EBF1: variants seen among roughly 807,000 people sequenced by gnomAD.
The protein encoded by EBF1 is transcription factor COE1.
A neutral mutation model predicts 68.4 loss-of-function variants in EBF1; 10 were observed. That is an observed-to-expected ratio of 0.15 (90% confidence interval 0.09 to 0.25). The LOEUF is 0.25. EBF1 is among the 10% of genes least tolerant of loss of function. The probability of loss-of-function intolerance (pLI) is 1.00; values close to 1 mark genes in which losing one functional copy is unlikely to be tolerated. For synonymous variants in EBF1, 298 were observed against 299.8 expected (o/e 0.99, Z 0.06); for missense variants, 509 against 794.4 (o/e 0.64, Z 4.32).
intron 8 of EBF1, among the ~76,000 whole-genome samples, chr5:158,820,192 G>A (rs1051876346): frequency 6.6e-6 from 1 of 151,708 alleles, no homozygotes; most frequent in East Asian, 1.9e-4. Flanking sequence ...GAATGGGGGA[G>A]AACGTAGGTT....
chr5:158,934,902 G>C (rs1340752832), intron 6 of EBF1, among the ~76,000 whole-genome samples: 1 of 152,170 alleles, frequency 6.6e-6, no homozygotes, highest in Non-Finnish European at 1.5e-5. Context: ...CTACAAGGCA[G>C]ACATTATCAT....
chr5:158,765,254 A>T (rs943943761), intron 10 of EBF1, among the ~76,000 whole-genome samples: 1 of 152,182 alleles, frequency 6.6e-6, no homozygotes, highest in African/African-American at 2.4e-5. Flanking sequence ...GTAGAGAATT[A>T]TGAGAATTAC....
At chr5:158,800,870 A>T (rs1780448358) in intron 8 of EBF1, among the ~76,000 whole-genome samples, 1 of 152,174 alleles carries the variant, frequency 6.6e-6, no homozygotes, top group Non-Finnish European at 1.5e-5. Context: ...CTCCAAGCAA[A>T]TATTATGGAA....
chr5:159,091,226 G>C (rs1242363628), intron 4 of EBF1, among the ~76,000 whole-genome samples: 1 of 152,186 alleles, frequency 6.6e-6, no homozygotes, highest in Non-Finnish European at 1.5e-5. Context: ...ATCCAGGAGG[G>C]AGCAGTTGGC....
intron 8 of EBF1, among the ~76,000 whole-genome samples, chr5:158,802,712 C>T (rs1040141602): frequency 6.6e-6 from 1 of 152,136 alleles, no homozygotes; most frequent in African/African-American, 2.4e-5. Context: ...CTAGTGCAAC[C>T]TTGAAACAGT....
At chr5:158,929,905 C>T (rs1016961513) in intron 6 of EBF1, among the ~76,000 whole-genome samples, 3 of 152,222 alleles carry the variant, frequency 2.0e-5, no homozygotes, top group African/African-American at 7.2e-5. Context: ...GCACCCCCTA[C>T]ACCTTTTTTG....
At chr5:158,781,620 G>C (rs1047150336) in intron 9 of EBF1, among the ~76,000 whole-genome samples, 2 of 152,046 alleles carry the variant, frequency 1.3e-5, no homozygotes, top group African/African-American at 4.8e-5. Flanking sequence ...CTCAGTTAAA[G>C]GAATGTTAGC....
intron 6 of EBF1, among the ~76,000 whole-genome samples, chr5:158,895,303 G>A (rs1801957555): frequency 6.6e-6 from 1 of 152,284 alleles, no homozygotes; most frequent in African/African-American, 2.4e-5. Context: ...ACAGCAGATG[G>A]ATTGCTTGAG....
At chr5:158,787,852 T>C (rs1043726116) in intron 9 of EBF1, among the ~76,000 whole-genome samples, 2 of 152,240 alleles carry the variant, frequency 1.3e-5, no homozygotes, top group African/African-American at 2.4e-5. Context: ...CCATCACCAA[T>C]AGATTTACAT....
At chr5:158,983,896 G>A (rs114923479) in intron 6 of EBF1, 2,387 of 136,920 alleles carry the variant, frequency 0.017, 38 homozygotes, top group Non-Finnish European at 0.022. Flanking sequence ...GCAACTGTAA[G>A]AGTGTGTGTG....
intron 6 of EBF1, among the ~76,000 whole-genome samples, chr5:158,963,998 C>T (rs11748770): frequency 0.017 from 2,570 of 152,164 alleles, 32 homozygotes; most frequent in East Asian, 0.049. Context: ...AATGCTATGA[C>T]GGAGAAAGAG....
chr5:159,046,030 T>A lies in EBF1; in HGVS notation c.554+27366A>T, dbSNP rs190668556. On this transcript the variant is annotated intron_variant, in intron 6 of 15. Coordinates refer to ENST00000313708, the MANE Select transcript of EBF1 (RefSeq NM_024007.5). The stretch of plus-strand genomic sequence containing the variant: ...CTTCATTATCTCTGGGCCATTACTA[T>A]CCCAGTAACTTCCCAAATTGATCTC... 8.5e-4 allele frequency among the ~76,000 whole-genome samples: 130 copies of A among 152,276 alleles called. 1 individual carries two copies. In the Middle Eastern group the frequency reaches 0.017, roughly 20 times the overall value.
chr5:159,035,263 C>A (rs1189200334), intron 6 of EBF1, among the ~76,000 whole-genome samples: 1 of 151,658 alleles, frequency 6.6e-6, no homozygotes, highest in African/African-American at 2.4e-5. Context: ...CTCTAAATCA[C>A]CAAAAATTTT....
At chr5:158,774,434 A>G (rs965526284) in intron 10 of EBF1, among the ~76,000 whole-genome samples, 9 of 151,980 alleles carry the variant, frequency 5.9e-5, no homozygotes, top group South Asian at 2.1e-4. Context: ...AAAAACAGCA[A>G]TAAGGCCTTA....
chr5:159,065,553 T>G (rs1776642191), intron 6 of EBF1, among the ~76,000 whole-genome samples: 1 of 152,132 alleles, frequency 6.6e-6, no homozygotes, highest in Admixed American at 6.5e-5. Flanking sequence ...ACAGAAGGGC[T>G]CTTCCTACCC....
At chr5:158,735,827 C>G (rs1173967994) in intron 10 of EBF1, among the ~76,000 whole-genome samples, 1 of 152,218 alleles carries the variant, frequency 6.6e-6, no homozygotes, top group African/African-American at 2.4e-5. Context: ...ACTTTCTATT[C>G]CAACCGATCT....
intron 10 of EBF1, among the ~76,000 whole-genome samples, chr5:158,763,200 G>T (rs1294771714): frequency 2.0e-5 from 3 of 152,290 alleles, no homozygotes; most frequent in South Asian, 4.1e-4. Context: ...ACATTTTGTG[G>T]CCAAGAGGGA....
chr5:158,867,284 T>C (rs1261317586), intron 6 of EBF1, among the ~76,000 whole-genome samples: 2 of 152,194 alleles, frequency 1.3e-5, no homozygotes, highest in Admixed American at 6.5e-5. Context: ...GGTGTTGGGT[T>C]GGAAGAGGTT....
chr5:158,841,320 C>A (rs1211666650), intron 6 of EBF1, among the ~76,000 whole-genome samples: 2 of 152,154 alleles, frequency 1.3e-5, no homozygotes, highest in Non-Finnish European at 2.9e-5. Flanking sequence ...CATATTGGGG[C>A]ATTCATGTCT....
Sources: gnomAD v4.1 joint callset for allele counts (sites outside exome capture counted in the v4.1 genomes callset) on GRCh38, gnomAD v4.1.1 for gene constraint, MANE v1.5 for transcripts, NCBI Gene and HGNC (gene_info 2026-07-23, HGNC 2026-07-21) for gene names.